The following TDRD9 variants were observed in gnomAD, a reference collection of about 807,000 sequenced individuals.
TDRD9 encodes ATP-dependent RNA helicase TDRD9.
A neutral mutation model predicts 172.6 loss-of-function variants in TDRD9; 124 were observed. That is an observed-to-expected ratio of 0.72 (90% CI 0.62 to 0.83). TDRD9 has a LOEUF of 0.83. Among genes scored for constraint, TDRD9 ranks in the 40% least tolerant of loss-of-function variants. The pLI, the probability that TDRD9 is intolerant of heterozygous loss-of-function variation, is 0.00. For synonymous variants in TDRD9, 619 were observed against 617.1 expected, an observed-to-expected ratio of 1.00 and a Z score of -0.05; for missense variants, 1,479 against 1,714.1, an observed-to-expected ratio of 0.86 and a Z score of 2.42.
At chr14:104,007,319 G>A (rs1445211632) in intron 19 of TDRD9, 115 bp downstream of exon 19, 51 of 969,462 alleles carry the variant, frequency 5.3e-5, no homozygotes, top group African/African-American at 8.2e-5. Flanking sequence ...GGCTGGAGTC[G>A]AGGTCACTGT....
In TDRD9 at chr14:104,032,082, A is replaced by G; in HGVS notation, c.3504A>G (p.Lys1168=). 1 of 1,543,278 alleles carries G rather than the reference A, an allele frequency of 6.5e-7. No individual in the cohort carries two copies. ...GCCATAGTTTGACCAGAATATCCAA[A>G]TTCAGGTATGATTAACTTAAGTTTT... ...LKCHSLTRIS[K]FRCVWIEKES... Residue 1168 remains lysine (K), a synonymous_variant, in exon 30 of 36, where the codon AAA becomes AAG. Coordinates refer to ENST00000409874, the MANE Select transcript of TDRD9 (RefSeq NM_153046.3).
Position 103,966,740 on chromosome 14 carries a change from C to A in TDRD9, c.674C>A (p.Thr225Asn). The change falls in exon 5 of 36, where the codon ACC becomes AAC. Residue 225 changes from threonine (T) to asparagine (N), a missense_variant. Thr to Asn is a moderately conservative substitution (Grantham distance 65, BLOSUM62 0). This residue lies in a region of TDRD9 where 1,413 missense variants were observed against 1,649.1 expected (regional missense o/e 0.86). Transcript: ENST00000409874. Reference protein sequence around the residue: ...VGLEKIATEDTRLIYMTTGVL... With the variant: ...VGLEKIATEDNRLIYMTTGVL... ...CTAGAGAAAATAGCAACAGAGGACACCAGGCTAATTTATATGACAACTGGA... is the reference window on the plus strand; with the variant it reads ...CTAGAGAAAATAGCAACAGAGGACAACAGGCTAATTTATATGACAACTGGA... 1.3e-6 allele frequency: 2 copies of A among 1,549,934 alleles called. No individual in the cohort carries two copies. The highest frequency in any genetic ancestry group is 1.7e-6 in the Non-Finnish European group (2 of 1,146,086).
intron 6 of TDRD9, among the ~76,000 whole-genome samples, chr14:103,971,112 T>G (rs1321925368): frequency 6.6e-6 from 1 of 151,776 alleles, no homozygotes; most frequent in Non-Finnish European, 1.5e-5. Context: ...GCCTCCCAAG[T>G]AGCTGGGACT....
At chr14:104,014,415 GACTACAGGTCTGCGCC>G (rs1006552034) in intron 20 of TDRD9, among the ~76,000 whole-genome samples, 13 of 151,860 alleles carry the variant, frequency 8.6e-5, no homozygotes, top group African/African-American at 2.7e-4. Context: ...AAGTAGCTGG[GACTACAGGTCTGCGCC>G]ACCACGCCCA....
intron 34 of TDRD9, among the ~76,000 whole-genome samples, chr14:104,043,864 G>A (rs2035682077): frequency 6.6e-6 from 1 of 152,194 alleles, no homozygotes; most frequent in Admixed American, 6.5e-5. Context: ...TCTCATGCAG[G>A]CAGCCTTTGA....
At chr14:103,949,632 G>T (rs987294789) in intron 1 of TDRD9, among the ~76,000 whole-genome samples, 1 of 152,150 alleles carries the variant, frequency 6.6e-6, no homozygotes, top group Non-Finnish European at 1.5e-5. Context: ...AACTTTGAAG[G>T]TTATGACTCA....
chr14:104,039,452 G>A (rs2035547022), intron 32 of TDRD9, among the ~76,000 whole-genome samples: 1 of 152,232 alleles, frequency 6.6e-6, no homozygotes, highest in Non-Finnish European at 1.5e-5. Context: ...GTAATTCACA[G>A]TGTGGTTGGA....
At chr14:103,999,643 A>ATATTTAATCTTTTAATCTTCCT (rs1566771643) in intron 13 of TDRD9, among the ~76,000 whole-genome samples, 4 of 130,570 alleles carry the variant, frequency 3.1e-5, no homozygotes, top group Middle Eastern at 4.0e-3. Flanking sequence ...TGTTTTTTAG[A>ATATTTAATCTTTTAATCTTCCT]AAACCTTTTG....
At chr14:103,977,739 T>C (rs1235172085) in intron 7 of TDRD9, among the ~76,000 whole-genome samples, 1 of 151,976 alleles carries the variant, frequency 6.6e-6, no homozygotes, top group African/African-American at 2.4e-5. Context: ...ATCAAATCTT[T>C]GTACAAATAT....
At chr14:103,972,790 A>G (rs982666203) in intron 6 of TDRD9, among the ~76,000 whole-genome samples, 3 of 152,206 alleles carry the variant, frequency 2.0e-5, no homozygotes, top group Non-Finnish European at 4.4e-5. Flanking sequence ...TAGGATGTTC[A>G]TATTTTCACT....
At position 104,042,129 on chromosome 14, in the gene TDRD9, T is replaced by A; in HGVS notation, c.3916T>A (p.Cys1306Ser). The part of the protein sequence containing the change: ...LVCDGPNGCK[C>S]LGPERVAQLQ... ...CTGTGATGGACCAAATGGATGCAAG[T>A]GTCTTGGGCCAGAGAGAGTTGCGCA... The change falls in exon 34 of 36, where the codon TGT (cysteine) becomes AGT (serine). Residue 1306 changes from cysteine to serine, a missense_variant. Physicochemically the swap from Cys to Ser is moderately radical, Grantham distance 112 (BLOSUM62 -1). Around this residue, in one of 3 missense-constraint regions of TDRD9, gnomAD observed 1,413 missense variants for 1,649.1 expected, o/e 0.86. Transcript: ENST00000409874. The A allele has an allele frequency of 6.2e-7, 1 of 1,613,824 alleles. No individual in the cohort carries two copies. The highest frequency in any genetic ancestry group is 8.5e-7 in the Non-Finnish European group (1 of 1,179,728).
chr14:103,998,932 A>G (rs1749051508), intron 13 of TDRD9, among the ~76,000 whole-genome samples: 2 of 151,962 alleles, frequency 1.3e-5, no homozygotes, highest in Admixed American at 1.3e-4. Context: ...TGCTGGGACT[A>G]CAGGCGCCTG....
intron 20 of TDRD9, among the ~76,000 whole-genome samples, chr14:104,011,821 T>C (rs1380722644): frequency 6.6e-6 from 1 of 152,154 alleles, no homozygotes; most frequent in Non-Finnish European, 1.5e-5. Flanking sequence ...GGTTCACTGA[T>C]TGGCTAGAAG....
intron 3 of TDRD9, among the ~76,000 whole-genome samples, chr14:103,963,945 T>A (rs917214486): frequency 2.6e-5 from 4 of 152,176 alleles, no homozygotes; most frequent in Non-Finnish European, 5.9e-5. Flanking sequence ...AGTGGAGTTT[T>A]AAAAATGCTG....
chr14:104,004,098 A>G (rs886221629), intron 13 of TDRD9, 140 bp from the exon 14 acceptor site: 4 of 464,666 alleles, frequency 8.6e-6, no homozygotes, highest in Non-Finnish European at 1.6e-5. Flanking sequence ...AATGTATTCT[A>G]AAGTTTTTAC....
intron 20 of TDRD9, among the ~76,000 whole-genome samples, chr14:104,012,206 A>G (rs561534551): frequency 6.6e-6 from 1 of 152,338 alleles, no homozygotes; most frequent in Non-Finnish European, 1.5e-5. Context: ...CGTCAATCAT[A>G]TTCTAGCGTG....
At chr14:104,048,236 T>C (rs1362156931) in intron 34 of TDRD9, among the ~76,000 whole-genome samples, 1 of 152,142 alleles carries the variant, frequency 6.6e-6, no homozygotes, top group African/African-American at 2.4e-5. Context: ...TTTTGTTATG[T>C]TTTTAATTTT....
At chr14:103,959,021 A>G (rs1394124556) in intron 2 of TDRD9, among the ~76,000 whole-genome samples, 1 of 152,154 alleles carries the variant, frequency 6.6e-6, no homozygotes, top group Non-Finnish European at 1.5e-5. Context: ...AGAGGGTGTC[A>G]TGTGTTTAGA....
At chr14:104,047,373 T>C (rs2035810703) in intron 34 of TDRD9, among the ~76,000 whole-genome samples, 1 of 152,198 alleles carries the variant, frequency 6.6e-6, no homozygotes. Flanking sequence ...TGTTTGTAGA[T>C]TCCTTAGGAT....
Sources: gnomAD v4.1 joint callset for allele counts (sites outside exome capture counted in the v4.1 genomes callset) on GRCh38, gnomAD v4.1.1 for gene constraint, gnomAD v4.1.1 regional missense constraint, MANE v1.5 for transcripts, NCBI Gene and HGNC (gene_info 2026-07-23, HGNC 2026-07-21) for gene names.